UPF3B: variants seen among roughly 807,000 people sequenced by gnomAD.
UPF3B encodes regulator of nonsense transcripts 3B.
Under a neutral mutation model 40.3 loss-of-function variants are expected in UPF3B, and 7 were observed. The ratio of observed to expected loss-of-function variants is 0.17; its 90% CI spans 0.10 to 0.33. UPF3B has a LOEUF of 0.33. Ranked by LOEUF, UPF3B falls within the 10% of genes least tolerant of loss-of-function variation. UPF3B has a pLI of 1.00. For missense variants in UPF3B, 229 were observed against 358.9 expected (o/e 0.64, Z 2.93); for synonymous variants, 117 against 117.3 (o/e 1.00, Z 0.01).
intron 10 of UPF3B, among the ~76,000 whole-genome samples, chrX:119,835,715 G>A (rs756637035): frequency 5.3e-5 from 6 of 112,469 alleles, no homozygotes; most frequent in African/African-American, 1.9e-4. Context: ...TTGGCTGGGT[G>A]CAGTGGCTCA....
intron 10 of UPF3B, among the ~76,000 whole-genome samples, chrX:119,836,413 G>A (rs1418470950): frequency 9.0e-6 from 1 of 111,439 alleles, no homozygotes; most frequent in Non-Finnish European, 1.9e-5. Context: ...GGGAACATAT[G>A]AACACTGAAT....
At chrX:119,830,190 T>C (rs1326025496), downstream of UPF3B, among the ~76,000 whole-genome samples, 1 of 111,352 alleles carries the variant, frequency 9.0e-6, no homozygotes, top group African/African-American at 3.3e-5. Context: ...CTCAAGGATG[T>C]TGTCTAAACA....
chrX:119,820,136 C>A (rs1569459175), intron 4 of UPF3B, among the ~76,000 whole-genome samples: 1 of 105,557 alleles, frequency 9.5e-6, no homozygotes, highest in East Asian at 3.1e-4. Context: ...TGTGCCACCT[C>A]AATCCCCTGC....
chrX:119,832,254 T>C (rs188924237), downstream of UPF3B, among the ~76,000 whole-genome samples: 106 of 111,917 alleles, frequency 9.5e-4, 1 homozygote, highest in African/African-American at 3.3e-3. Flanking sequence ...CCATCACACC[T>C]GGCCCATTTC....
chrX:119,831,962 T>C (rs747019451), downstream of UPF3B, among the ~76,000 whole-genome samples: 7 of 110,407 alleles, frequency 6.3e-5, no homozygotes, highest in South Asian at 1.5e-3. Flanking sequence ...TATTATTTTA[T>C]AAGCCTGGGT....
chrX:119,844,297 C>G (rs1408984482), intron 4 of UPF3B, among the ~76,000 whole-genome samples: 1 of 111,109 alleles, frequency 9.0e-6, no homozygotes, highest in African/African-American at 3.3e-5. Context: ...CAACTCTGCC[C>G]GCCTTGGCCT....
chrX:119,825,744 A>G (rs1034219258), intron 3 of UPF3B, among the ~76,000 whole-genome samples: 3 of 112,252 alleles, frequency 2.7e-5, no homozygotes, highest in African/African-American at 9.7e-5. Context: ...ACCTAAAAAA[A>G]TCAGCAGTTT....
chrX:119,838,633 A>C lies in UPF3B; in HGVS notation c.847-106T>G, dbSNP rs763521836. ...AAATTTAGACTAGACAAAGCCCCCT[A>C]TCTCTGCAGGTACACTTAATCTTTC... is the stretch of plus-strand genomic sequence containing the variant. On this transcript the variant is annotated intron_variant, in intron 8 of 10. Coordinates refer to ENST00000276201, the MANE Select transcript of UPF3B (RefSeq NM_080632.3). 6.9e-5 allele frequency: 54 copies of C among 781,970 alleles called. No homozygotes were observed. In the Admixed American group the frequency reaches 1.2e-3, roughly 17 times the overall value. 64.4% of individuals were successfully genotyped at this position (781,970 alleles called of 1,213,427 possible).
chrX:119,832,518 G>A (rs941457894), downstream of UPF3B, among the ~76,000 whole-genome samples: 4 of 111,470 alleles, frequency 3.6e-5, no homozygotes, highest in Admixed American at 9.5e-5. Flanking sequence ...CGTGGCTTCC[G>A]TGGCTTTCCT....
Position 119,813,117 on chromosome X carries a change from G to A in UPF3B, c.602+2083C>T, listed in dbSNP as rs772968353. ...AAGTGGTGATTAAGAAAGTAAAGGC[G>A]AACTGATGCCACGTCAGGAAGGGCT... On this transcript the variant is annotated intron_variant, in intron 5 of 6. Transcript: ENST00000636792. Among the ~76,000 whole-genome samples the A allele has an allele frequency of 2.7e-5, 3 of 111,716 alleles. No homozygotes were observed. The Admixed American group carries it at 2.9e-4, about 11-fold the overall frequency.
At chrX:119,807,649 ATATCT>A (rs2055803150) in intron 5 of UPF3B, 6 of 525,226 alleles carry the variant, frequency 1.1e-5, no homozygotes, top group Non-Finnish European at 1.4e-5. Context: ...TTATCAGGTC[ATATCT>A]TATATATATT....
downstream of UPF3B, among the ~76,000 whole-genome samples, chrX:119,831,107 G>A (rs1284689165): frequency 8.9e-6 from 1 of 112,189 alleles, no homozygotes; most frequent in Non-Finnish European, 1.9e-5. Context: ...TTGCAAAAAT[G>A]ATGAAATTGT....
chrX:119,806,432 A>G (rs1237238946), intron 6 of UPF3B, among the ~76,000 whole-genome samples: 1 of 105,219 alleles, frequency 9.5e-6, no homozygotes, highest in African/African-American at 3.5e-5. Context: ...ATGTATACAT[A>G]TGTAACTAAC....
chrX:119,809,777 T>C (rs1452193981), intron 5 of UPF3B, among the ~76,000 whole-genome samples: 1 of 111,405 alleles, frequency 9.0e-6, no homozygotes, highest in East Asian at 2.8e-4. Context: ...ATAAAATGTC[T>C]CAACAGGATC....
At chrX:119,851,221 G>A (rs1021287215) in intron 3 of UPF3B, among the ~76,000 whole-genome samples, 6 of 111,988 alleles carry the variant, frequency 5.4e-5, no homozygotes, top group African/African-American at 1.9e-4. Context: ...TCAGTACTGC[G>A]GCTGAAATTC....
intron 4 of UPF3B, 76 bp downstream of exon 4, chrX:119,845,122 C>T: frequency 3.5e-6 from 3 of 852,717 alleles, no homozygotes; most frequent in Non-Finnish European, 5.1e-6. Context: ...ATTTTGGGGT[C>T]GAATTAACTC....
At chrX:119,812,445 T>C (rs1395610302) in intron 5 of UPF3B, among the ~76,000 whole-genome samples, 4 of 111,443 alleles carry the variant, frequency 3.6e-5, no homozygotes, top group Non-Finnish European at 7.5e-5. Context: ...CCAATCTGGC[T>C]TCCCTGCCCC....
chrX:119,822,606 T>A (rs898472107), intron 4 of UPF3B, among the ~76,000 whole-genome samples: 2 of 110,839 alleles, frequency 1.8e-5, no homozygotes, highest in African/African-American at 6.6e-5. Context: ...CTCCTCTTTA[T>A]TTTTTTTTAA....
intron 3 of UPF3B, among the ~76,000 whole-genome samples, chrX:119,828,033 C>CT (rs373746448): frequency 1.1e-3 from 110 of 101,784 alleles, no homozygotes; most frequent in South Asian, 2.6e-3. Flanking sequence ...CGTGCCCGAC[C>CT]TTTTTTTTTT....
Sources: gnomAD v4.1 joint callset for allele counts (sites outside exome capture counted in the v4.1 genomes callset) on GRCh38, gnomAD v4.1.1 for gene constraint, MANE v1.5 for transcripts, NCBI Gene and HGNC (gene_info 2026-07-23, HGNC 2026-07-21) for gene names.